The following RABGAP1L variants were observed in gnomAD, a reference collection of about 807,000 sequenced individuals.
RABGAP1L encodes the protein RAB GTPase activating protein 1 like, also known as rab GTPase-activating protein 1-like.
In RABGAP1L, 63 loss-of-function variants were observed where a neutral mutation model predicts 137.7. The ratio of observed to expected loss-of-function variants is 0.46; its 90% CI spans 0.37 to 0.56. The LOEUF is 0.56. Among genes scored for constraint, RABGAP1L ranks in the 20% least tolerant of loss-of-function variants. The pLI, the probability that RABGAP1L is intolerant of heterozygous loss-of-function variation, is 0.00. For synonymous variants in RABGAP1L, 431 were observed against 433.7 expected, an observed-to-expected ratio of 0.99 and a Z score of 0.08; for missense variants, 1,095 against 1,244.0, an observed-to-expected ratio of 0.88 and a Z score of 1.80.
chr1:174,230,838 G>GTT (rs987871061), intron 3 of RABGAP1L, among the ~76,000 whole-genome samples: 1 of 151,784 alleles, frequency 6.6e-6, no homozygotes, highest in African/African-American at 2.4e-5. Flanking sequence ...ATCTTTTTGA[G>GTT]TTTTTTTTAA....
chr1:174,866,630 G>T (rs1029369936), intron 19 of RABGAP1L, among the ~76,000 whole-genome samples: 3 of 152,114 alleles, frequency 2.0e-5, no homozygotes, highest in Non-Finnish European at 4.4e-5. Flanking sequence ...TACTACTACA[G>T]GCCAGGCATG....
chr1:174,321,240 A>G (rs994785238), intron 11 of RABGAP1L, among the ~76,000 whole-genome samples: 3 of 152,310 alleles, frequency 2.0e-5, no homozygotes, highest in African/African-American at 7.2e-5. Flanking sequence ...GATGTTATCA[A>G]TGACAATGTG....
intron 19 of RABGAP1L, among the ~76,000 whole-genome samples, chr1:174,931,190 T>C (rs553958254): frequency 6.6e-6 from 1 of 152,344 alleles, no homozygotes; most frequent in Admixed American, 6.5e-5. Context: ...AAACTTGATA[T>C]TTTCTTATAT....
intron 19 of RABGAP1L, among the ~76,000 whole-genome samples, chr1:174,922,602 A>G (rs1438776520): frequency 2.6e-5 from 4 of 152,188 alleles, no homozygotes; most frequent in Non-Finnish European, 5.9e-5. Context: ...GTTTCTGAAT[A>G]AGGACCAGGC....
intron 19 of RABGAP1L, among the ~76,000 whole-genome samples, chr1:174,878,940 T>G (rs1275652782): frequency 7.1e-6 from 1 of 140,282 alleles, no homozygotes; most frequent in Non-Finnish European, 1.5e-5. Context: ...TTTTTTTTTT[T>G]TTTTTTTTTT....
chr1:174,359,864 C>A (rs1683981260), intron 11 of RABGAP1L, among the ~76,000 whole-genome samples: 1 of 152,098 alleles, frequency 6.6e-6, no homozygotes, highest in African/African-American at 2.4e-5. Context: ...TAGATTAATG[C>A]CTTTAAAATT....
rs934564750 is a variant in RABGAP1L, at chr1:174,989,838, G to C, written c.3004-11G>C. 2 of 1,547,610 alleles carry C rather than the reference G, an allele frequency of 1.3e-6. No homozygotes were observed. Among genetic ancestry groups the C allele is most frequent in the African/African-American group, 2.7e-5 (2 of 72,786 alleles). The stretch of plus-strand genomic sequence containing the variant: ...TTTATTTAACTCAGATGATTTTCTT[G>C]CTTTAATTAGGAACTTGAACATCAG... On this transcript the variant is annotated splice_polypyrimidine_tract_variant and intron_variant, in intron 25 of 25. Coordinates refer to ENST00000681986, the MANE Select transcript of RABGAP1L (RefSeq NM_001366446.1).
At chr1:174,232,773 AAAT>A (rs1670786044) in intron 4 of RABGAP1L, among the ~76,000 whole-genome samples, 1 of 151,882 alleles carries the variant, frequency 6.6e-6, no homozygotes, top group Non-Finnish European at 1.5e-5. Context: ...AAAAAAAAAA[AAAT>A]AAGTCAGATA....
chr1:174,372,213 A>G (rs1002684923), intron 12 of RABGAP1L, among the ~76,000 whole-genome samples: 1 of 152,182 alleles, frequency 6.6e-6, no homozygotes, highest in African/African-American at 2.4e-5. Flanking sequence ...AATTTATTCA[A>G]TAGCAAAATA....
chr1:174,191,579 A>G (rs746917619), intron 1 of RABGAP1L, among the ~76,000 whole-genome samples: 2 of 152,174 alleles, frequency 1.3e-5, no homozygotes, highest in Admixed American at 6.5e-5. Context: ...GTGTACCCAT[A>G]CTTTTTTTGG....
chr1:174,608,594 CAG>C (rs751310790), intron 13 of RABGAP1L, among the ~76,000 whole-genome samples: 35 of 152,198 alleles, frequency 2.3e-4, no homozygotes, highest in Non-Finnish European at 4.7e-4. Context: ...ATCATTCAGA[CAG>C]AGGAAATTAC....
At chr1:174,510,772 T>G (rs1241794799) in intron 13 of RABGAP1L, among the ~76,000 whole-genome samples, 1 of 152,180 alleles carries the variant, frequency 6.6e-6, no homozygotes, top group Non-Finnish European at 1.5e-5. Context: ...AATACTATGT[T>G]TTTGGCTGCA....
intron 17 of RABGAP1L, among the ~76,000 whole-genome samples, chr1:174,719,835 G>A (rs1266476065): frequency 1.3e-5 from 2 of 152,176 alleles, no homozygotes; most frequent in Non-Finnish European, 2.9e-5. Flanking sequence ...GGGATTTTTG[G>A]AGGTGGTAGG....
chr1:174,973,759 A>C (rs967520252), intron 21 of RABGAP1L, among the ~76,000 whole-genome samples: 4 of 152,130 alleles, frequency 2.6e-5, no homozygotes, highest in African/African-American at 9.7e-5. Flanking sequence ...CTGAAAAAAA[A>C]ACATTTATTT....
At chr1:174,385,945 G>A (rs1442260089) in intron 12 of RABGAP1L, among the ~76,000 whole-genome samples, 1 of 152,192 alleles carries the variant, frequency 6.6e-6, no homozygotes, top group East Asian at 1.9e-4. Context: ...GTAAGTGGAT[G>A]TGGGTTGAGA....
intron 15 of RABGAP1L, among the ~76,000 whole-genome samples, chr1:174,694,542 T>C (rs1044607907): frequency 2.6e-5 from 4 of 151,712 alleles, no homozygotes; most frequent in Non-Finnish European, 5.9e-5. Context: ...TCATTTTTTA[T>C]GGCTGCATAG....
chr1:174,665,424 G>A (rs1284102281), intron 14 of RABGAP1L, among the ~76,000 whole-genome samples: 6 of 140,418 alleles, frequency 4.3e-5, no homozygotes, highest in Admixed American at 1.5e-4. Context: ...TGTCTGCCTC[G>A]CCTCGCCCCG....
chr1:174,900,397 A>G (rs1348364865), intron 19 of RABGAP1L, among the ~76,000 whole-genome samples: 1 of 152,198 alleles, frequency 6.6e-6, no homozygotes, highest in Non-Finnish European at 1.5e-5. Flanking sequence ...TCACAGAGTC[A>G]TTTACTCAGA....
At chr1:174,571,640 T>C (rs1667987138) in intron 13 of RABGAP1L, among the ~76,000 whole-genome samples, 1 of 152,170 alleles carries the variant, frequency 6.6e-6, no homozygotes, top group African/African-American at 2.4e-5. Context: ...TATAAATGCT[T>C]GTTCCTAGAG....
Sources: gnomAD v4.1 joint callset for allele counts (sites outside exome capture counted in the v4.1 genomes callset) on GRCh38, gnomAD v4.1.1 for gene constraint, MANE v1.5 for transcripts, NCBI Gene and HGNC (gene_info 2026-07-23, HGNC 2026-07-21) for gene names.